MPPED2: variants seen among roughly 807,000 people sequenced by gnomAD.
The protein encoded by MPPED2 is metallophosphoesterase MPPED2.
MPPED2 carries 5 observed loss-of-function variants against 33.0 expected under a neutral mutation model. That is an observed-to-expected ratio of 0.15 (90% CI 0.08 to 0.32). The LOEUF is 0.32. Among genes scored for constraint, MPPED2 ranks in the 10% least tolerant of loss-of-function variants. The probability of loss-of-function intolerance (pLI) is 1.00; values close to 1 mark genes in which losing one functional copy is unlikely to be tolerated. For missense variants in MPPED2, 275 were observed against 372.1 expected (o/e 0.74, Z 2.15); for synonymous variants, 136 against 141.9 (o/e 0.96, Z 0.29).
At chr11:30,552,060 T>C (rs1218178165) in intron 2 of MPPED2, among the ~76,000 whole-genome samples, 2 of 152,132 alleles carry the variant, frequency 1.3e-5, no homozygotes, top group African/African-American at 4.8e-5. Flanking sequence ...TAATAAAGCA[T>C]CCTACACCCT....
At chr11:30,498,203 C>A (rs1952373977) in intron 3 of MPPED2, among the ~76,000 whole-genome samples, 1 of 151,856 alleles carries the variant, frequency 6.6e-6, no homozygotes, top group South Asian at 2.1e-4. Flanking sequence ...TCAGATCATG[C>A]CAGCTAAGCT....
rs180799392 is a variant in MPPED2, at chr11:30,525,956, A to G, written c.310+10038T>C. On this transcript the variant is annotated intron_variant, in intron 3 of 6. Transcript: ENST00000358117. ...ATCCTTTCTAATGGAACAAAATCCA[A>G]TCTTACTTATTTGAGCATATTCAAC... 2.5e-4 allele frequency among the ~76,000 whole-genome samples: 38 copies of G among 152,334 alleles called. 1 individual carries two copies. Among genetic ancestry groups the G allele is most frequent in the Admixed American group, 2.4e-3 (37 of 15,298 alleles).
intron 4 of MPPED2, among the ~76,000 whole-genome samples, chr11:30,443,009 T>C (rs944083881): frequency 3.9e-5 from 6 of 152,046 alleles, no homozygotes; most frequent in African/African-American, 1.4e-4. Flanking sequence ...AAAAATATTG[T>C]CATTAAGCTT....
chr11:30,545,056 CAGA>C (rs779389344), intron 2 of MPPED2, among the ~76,000 whole-genome samples: 7 of 152,084 alleles, frequency 4.6e-5, no homozygotes, highest in Non-Finnish European at 1.0e-4. Context: ...TGAAGGTGAG[CAGA>C]AGAAGATTTG....
chr11:30,516,537 A>C (rs992381787), intron 3 of MPPED2, among the ~76,000 whole-genome samples: 1 of 152,186 alleles, frequency 6.6e-6, no homozygotes, highest in African/African-American at 2.4e-5. Context: ...ACGGCTTAGG[A>C]AGCTGCCCAT....
chr11:30,583,403 ATTT>A (rs1957287861), intron 1 of MPPED2, among the ~76,000 whole-genome samples: 1 of 152,062 alleles, frequency 6.6e-6, no homozygotes, highest in African/African-American at 2.4e-5. Flanking sequence ...ATAAATTTTC[ATTT>A]TATACTTCAA....
chr11:30,441,433 A>C (rs1481049398), intron 4 of MPPED2: 1 of 152,220 alleles, frequency 6.6e-6, no homozygotes, highest in African/African-American at 2.4e-5. Flanking sequence ...GAAATGGAAC[A>C]AGTGAGAGGT....
downstream of MPPED2, among the ~76,000 whole-genome samples, chr11:30,384,151 A>AT (rs1947675450): frequency 7.7e-6 from 1 of 130,420 alleles, no homozygotes; most frequent in South Asian, 2.3e-4. Flanking sequence ...CATGCTGATT[A>AT]CAAAAAACAA....
intron 4 of MPPED2, among the ~76,000 whole-genome samples, chr11:30,446,035 G>T (rs1043377778): frequency 1.4e-4 from 22 of 152,154 alleles, no homozygotes; most frequent in African/African-American, 4.3e-4. Flanking sequence ...GTTCTTGAGG[G>T]TCCTGTTTCT....
chr11:30,513,014 G>GA (rs71451189), intron 3 of MPPED2, among the ~76,000 whole-genome samples: 28,011 of 139,500 alleles, frequency 0.2, 3,243 homozygotes, highest in Non-Finnish European at 0.28. Flanking sequence ...TGTCTCAAAA[G>GA]AAAAAAAAAA....
intron 4 of MPPED2, among the ~76,000 whole-genome samples, chr11:30,491,609 C>A (rs745500545): frequency 6.6e-6 from 1 of 152,134 alleles, no homozygotes; most frequent in Admixed American, 6.5e-5. Flanking sequence ...ACCATGAAAC[C>A]GTAATGTTTT....
In MPPED2 at chr11:30,436,782, C is replaced by T. The variant is rs150966380; in HGVS notation, c.537-19149G>A. 3.7e-3 allele frequency among the ~76,000 whole-genome samples: 565 copies of T among 152,212 alleles called. 5 individuals carry two copies. Among genetic ancestry groups the T allele is most frequent in the African/African-American group, 0.013 (534 of 41,526 alleles). On this transcript the variant is annotated intron_variant, in intron 4 of 6. Transcript: ENST00000358117. ...GGGACTCACATTTTTCCCATTAAGT[C>T]CTAGATGGATTTAGGTCTAGCTGAG...
chr11:30,477,249 A>G (rs1312136812), intron 4 of MPPED2, among the ~76,000 whole-genome samples: 2 of 151,894 alleles, frequency 1.3e-5, no homozygotes, highest in Non-Finnish European at 2.9e-5. Flanking sequence ...ACCATGGAGG[A>G]CCTTCATAAC....
intron 2 of MPPED2, among the ~76,000 whole-genome samples, chr11:30,567,949 C>T (rs538113021): frequency 6.6e-6 from 1 of 152,140 alleles, no homozygotes; most frequent in East Asian, 1.9e-4. Context: ...CTAAAAACTT[C>T]TTCACAAGAA....
At chr11:30,395,064 A>G (rs1169056363) in intron 6 of MPPED2, among the ~76,000 whole-genome samples, 1 of 152,170 alleles carries the variant, frequency 6.6e-6, no homozygotes, top group Non-Finnish European at 1.5e-5. Context: ...GTATGTGTTT[A>G]TCCCTTCACC....
At chr11:30,397,451 A>T (rs773076810) in intron 6 of MPPED2, among the ~76,000 whole-genome samples, 1 of 152,054 alleles carries the variant, frequency 6.6e-6, no homozygotes, top group Non-Finnish European at 1.5e-5. Flanking sequence ...AATCATTAGG[A>T]CTCAATTATC....
At chr11:30,577,467 A>G (rs1381578663) in intron 2 of MPPED2, among the ~76,000 whole-genome samples, 1 of 152,244 alleles carries the variant, frequency 6.6e-6, no homozygotes, top group East Asian at 1.9e-4. Context: ...AGTGGAAAAG[A>G]CAAAATATCT....
intron 4 of MPPED2, among the ~76,000 whole-genome samples, chr11:30,443,849 CA>C (rs1332069549): frequency 6.6e-6 from 1 of 152,180 alleles, no homozygotes; most frequent in African/African-American, 2.4e-5. Flanking sequence ...TCATCTTAAG[CA>C]GAGATGAACC....
chr11:30,507,023 A>G (rs978218357), intron 3 of MPPED2, among the ~76,000 whole-genome samples: 2 of 152,252 alleles, frequency 1.3e-5, no homozygotes, highest in African/African-American at 4.8e-5. Flanking sequence ...ACATTAGACT[A>G]AAATATAGAA....
Sources: gnomAD v4.1 joint callset for allele counts (sites outside exome capture counted in the v4.1 genomes callset) on GRCh38, gnomAD v4.1.1 for gene constraint, MANE v1.5 for transcripts, NCBI Gene and HGNC (gene_info 2026-07-23, HGNC 2026-07-21) for gene names.